AFF3: variants seen among roughly 807,000 people sequenced by gnomAD.
The protein encoded by AFF3 is ALF transcription elongation factor 3.
AFF3 carries 32 observed loss-of-function variants against 129.7 expected under a neutral mutation model. The ratio of observed to expected loss-of-function variants is 0.25; its 90% CI spans 0.19 to 0.33. The LOEUF (loss-of-function observed/expected upper bound fraction) is 0.33. Ranked by LOEUF, AFF3 falls within the 10% of genes least tolerant of loss-of-function variation. AFF3 has a pLI of 1.00. For synonymous variants in AFF3, 644 were observed against 635.4 expected (o/e 1.01, Z -0.20); for missense variants, 1,373 against 1,592.0 (o/e 0.86, Z 2.34).
In AFF3 at chr2:100,031,883, C is replaced by A. The variant is rs139700024; in HGVS notation, c.54-22951G>T. 1.9e-3 allele frequency among the ~76,000 whole-genome samples: 286 copies of A among 152,294 alleles called. 3 individuals carry two copies. The highest frequency in any genetic ancestry group is 6.5e-3 in the African/African-American group (268 of 41,546). On this transcript the variant is annotated intron_variant, in intron 4 of 24. Coordinates refer to ENST00000672756, the MANE Select transcript of AFF3 (RefSeq NM_001386135.1). The stretch of plus-strand genomic sequence containing the variant: ...ATTCCAAATAATTTATGTAGATATT[C>A]CAAGCTTAAGGAGGTGAAGCATAGC...
chr2:99,588,714 T>C (rs1678367698), intron 15 of AFF3, among the ~76,000 whole-genome samples: 2 of 152,112 alleles, frequency 1.3e-5, no homozygotes, highest in Admixed American at 6.6e-5. Context: ...AGTACCCCCA[T>C]GGAGGGCCCA....
intron 4 of AFF3, among the ~76,000 whole-genome samples, chr2:100,044,212 G>A (rs956916799): frequency 6.6e-6 from 1 of 152,226 alleles, no homozygotes; most frequent in Non-Finnish European, 1.5e-5. Context: ...CTGAAAGGCA[G>A]GACCCGCATC....
chr2:99,675,981 C>T (rs1451994206), intron 11 of AFF3, among the ~76,000 whole-genome samples: 1 of 138,118 alleles, frequency 7.2e-6, no homozygotes, highest in African/African-American at 2.7e-5. Flanking sequence ...AGATCTCCTA[C>T]TGTTTTTTTT....
At chr2:100,011,830 C>T (rs954113694) in intron 4 of AFF3, among the ~76,000 whole-genome samples, 2 of 152,106 alleles carry the variant, frequency 1.3e-5, no homozygotes, top group Non-Finnish European at 2.9e-5. Flanking sequence ...AGGATAAAAA[C>T]CAAAATTAAT....
At chr2:100,088,025 C>T (rs1369155701) in intron 4 of AFF3, among the ~76,000 whole-genome samples, 1 of 150,742 alleles carries the variant, frequency 6.6e-6, no homozygotes, top group Non-Finnish European at 1.5e-5. Flanking sequence ...ACTTCCTTAA[C>T]CTGATAAAGG....
chr2:99,836,737 C>T (rs756676414), intron 8 of AFF3, among the ~76,000 whole-genome samples: 1 of 151,226 alleles, frequency 6.6e-6, no homozygotes, highest in Non-Finnish European at 1.5e-5. Context: ...AAAATTCATA[C>T]CATCTGGCCT....
chr2:99,660,993 C>T (rs1452605530), intron 12 of AFF3, among the ~76,000 whole-genome samples: 1 of 152,186 alleles, frequency 6.6e-6, no homozygotes, highest in Non-Finnish European at 1.5e-5. Context: ...AACAAAAACT[C>T]AACTTTACAA....
At chr2:99,801,280 A>C (rs1182726414) in intron 8 of AFF3, among the ~76,000 whole-genome samples, 1 of 152,192 alleles carries the variant, frequency 6.6e-6, no homozygotes, top group Non-Finnish European at 1.5e-5. Context: ...AATTTGGAGA[A>C]ATTTATCAGA....
chr2:99,952,905 T>C lies in AFF3; in HGVS notation c.873+53727A>G, dbSNP rs1010669775. ...AGGTGAGTTGTTGAATCATCCTGTG[T>C]TTCAGTTTCCTTACCTGTAAAATGG... On this transcript the variant is annotated intron_variant, in intron 7 of 24. Transcript: ENST00000672756. Among the ~76,000 whole-genome samples the C allele has an allele frequency of 1.3e-4, 20 of 152,208 alleles. 1 individual carries two copies.
At chr2:99,723,769 G>A (rs1384838640) in intron 11 of AFF3, among the ~76,000 whole-genome samples, 1 of 152,142 alleles carries the variant, frequency 6.6e-6, no homozygotes, top group East Asian at 1.9e-4. Context: ...GCCTCAGAAT[G>A]TGACTTTATT....
intron 7 of AFF3, among the ~76,000 whole-genome samples, chr2:99,941,803 T>C (rs1226484548): frequency 1.3e-5 from 2 of 152,180 alleles, no homozygotes; most frequent in Non-Finnish European, 1.5e-5. Flanking sequence ...AGTCACACAC[T>C]AAGGATGACA....
intron 7 of AFF3, among the ~76,000 whole-genome samples, chr2:99,855,497 C>T (rs1690458413): frequency 6.6e-6 from 1 of 151,908 alleles, no homozygotes; most frequent in Non-Finnish European, 1.5e-5. Flanking sequence ...TGGAGTATGT[C>T]AAAAGGACAG....
intron 7 of AFF3, among the ~76,000 whole-genome samples, chr2:99,971,153 T>C (rs1678333364): frequency 6.6e-6 from 1 of 152,180 alleles, no homozygotes; most frequent in Admixed American, 6.5e-5. Flanking sequence ...CTCGGTGGGA[T>C]GGTGAATCTC....
intron 8 of AFF3, among the ~76,000 whole-genome samples, chr2:99,780,746 C>A (rs531408534): frequency 6.6e-6 from 1 of 152,326 alleles, no homozygotes; most frequent in South Asian, 2.1e-4. Context: ...TTCTCTCTTT[C>A]TTTCACCCTG....
At chr2:99,877,035 T>C (rs1036003985) in intron 7 of AFF3, among the ~76,000 whole-genome samples, 6 of 152,296 alleles carry the variant, frequency 3.9e-5, no homozygotes, top group African/African-American at 1.4e-4. Context: ...GGGTGGAGGC[T>C]ACTAACGCTG....
intron 3 of AFF3, chr2:100,105,216 A>C: frequency 2.4e-6 from 2 of 840,144 alleles, no homozygotes; most frequent in Non-Finnish European, 3.1e-6. Flanking sequence ...CCCAGAATCC[A>C]CTTGACCCTG....
chr2:100,072,479 G>A (rs1444000661), intron 4 of AFF3, among the ~76,000 whole-genome samples: 1 of 152,096 alleles, frequency 6.6e-6, no homozygotes, highest in African/African-American at 2.4e-5. Context: ...GGCCTTTAAG[G>A]GCACATGCTG....
At chr2:99,774,745 G>T (rs1683758159) in intron 8 of AFF3, among the ~76,000 whole-genome samples, 1 of 152,100 alleles carries the variant, frequency 6.6e-6, no homozygotes, top group African/African-American at 2.4e-5. Flanking sequence ...TGACAAACGG[G>T]ATCTAATTAA....
chr2:99,902,396 C>A (rs2106150666), intron 7 of AFF3, among the ~76,000 whole-genome samples: 1 of 152,170 alleles, frequency 6.6e-6, no homozygotes, highest in Non-Finnish European at 1.5e-5. Flanking sequence ...GTTTTAAATG[C>A]ATAAATACAC....
Sources: allele counts gnomAD v4.1 joint callset (sites outside exome capture counted in the v4.1 genomes callset), GRCh38; gene constraint gnomAD v4.1.1; transcripts MANE v1.5; gene names NCBI Gene and HGNC (gene_info 2026-07-23, HGNC 2026-07-21).